The following ACACA variants were observed in gnomAD, a reference collection of about 807,000 sequenced individuals.
The protein encoded by ACACA is acetyl-CoA carboxylase alpha.
ACACA carries 103 observed loss-of-function variants against 296.1 expected under a neutral mutation model. The observed-to-expected ratio is 0.35, with a 90% CI of 0.30 to 0.41. The LOEUF (loss-of-function observed/expected upper bound fraction) is 0.41. ACACA is among the 10% of genes least tolerant of loss of function. The probability of loss-of-function intolerance (pLI) is 1.00; values close to 1 mark genes in which losing one functional copy is unlikely to be tolerated. For synonymous variants in ACACA, 953 were observed against 1,038.6 expected (o/e 0.92, Z 1.58); for missense variants, 1,554 against 2,989.7 (o/e 0.52, Z 11.20).
chr17:37,183,937 C>G (rs1339747041), intron 39 of ACACA, among the ~76,000 whole-genome samples: 1 of 147,862 alleles, frequency 6.8e-6, no homozygotes, highest in East Asian at 2.1e-4. Flanking sequence ...ACCACAACCT[C>G]TGCCTCCTGG....
At chr17:37,309,313 A>T (rs1309260248) in intron 3 of ACACA, among the ~76,000 whole-genome samples, 1 of 152,206 alleles carries the variant, frequency 6.6e-6, no homozygotes, top group African/African-American at 2.4e-5. Context: ...GGCATGAGCC[A>T]CGATGCCTGG....
Position 37,174,020 on chromosome 17 carries a change from A to ATTTTTTTTTT in ACACA, c.5079+5230_5079+5239dup, listed in dbSNP as rs71159693. ...TATATATATATATATATATATATAT[A>ATTTTTTTTTT]TTTTTTTTTTTTTTTTTTTTTGTAG... On this transcript the variant is annotated intron_variant, in intron 41 of 55. Transcript: ENST00000616317. Among the ~76,000 whole-genome samples, 22 of 16,792 alleles carry ATTTTTTTTTT rather than the reference A, an allele frequency of 1.3e-3. 1 individual carries two copies. Among genetic ancestry groups the ATTTTTTTTTT allele is most frequent in the African/African-American group, 2.3e-3 (9 of 3,914 alleles). The allele number at this position is 16,792 out of a possible 152,430, so 11.0% of individuals were successfully genotyped here.
At chr17:37,108,298 G>A (rs1199123009) in intron 52 of ACACA, among the ~76,000 whole-genome samples, 5 of 151,634 alleles carry the variant, frequency 3.3e-5, no homozygotes, top group Non-Finnish European at 7.4e-5. Context: ...ATGACAAAAG[G>A]CCATTTAAAA....
At chr17:37,234,304 C>A (rs1023157231) in intron 25 of ACACA, among the ~76,000 whole-genome samples, 1 of 152,140 alleles carries the variant, frequency 6.6e-6, no homozygotes, top group African/African-American at 2.4e-5. Context: ...GAAGGACTTG[C>A]AAGTCATCTT....
chr17:37,108,923 T>TG (rs1301489083), intron 52 of ACACA, among the ~76,000 whole-genome samples: 2 of 152,240 alleles, frequency 1.3e-5, no homozygotes, highest in Non-Finnish European at 2.9e-5. Flanking sequence ...AGGAAAAATC[T>TG]GAAGAAATCC....
chr17:37,085,886 A>G lies in ACACA; in HGVS notation c.*1430T>C, dbSNP rs987680263. ...CTTAGTGATTTCCTCCTTGGTCATC[A>G]GTGACAAATGCAGTTAGCTGCACTA... is the stretch of plus-strand genomic sequence containing the variant. On this transcript the variant is annotated 3_prime_UTR_variant, in exon 56 of 56. Coordinates refer to ENST00000616317, the MANE Select transcript of ACACA (RefSeq NM_198834.3). 7.5e-6 allele frequency: 3 copies of G among 398,934 alleles called. No homozygotes were observed. Among genetic ancestry groups the G allele is most frequent in the Non-Finnish European group, 1.3e-5 (3 of 226,098 alleles). 24.7% of individuals were successfully genotyped at this position (398,934 alleles called of 1,614,324 possible). A position where few individuals can be genotyped will look rare whatever the true frequency, so the allele number is the denominator to read the frequency against.
In ACACA at chr17:37,225,037, T is replaced by G; in HGVS notation, c.3429A>C (p.Ser1143=). The G allele has an allele frequency of 1.2e-6, 2 of 1,612,818 alleles. No individual in the cohort carries two copies. Among genetic ancestry groups the G allele is most frequent in the Non-Finnish European group, 1.7e-6 (2 of 1,179,254 alleles). The change falls in exon 27 of 56, where the codon TCA becomes TCC. Residue 1143 remains serine, a synonymous_variant. Transcript: ENST00000616317. Reference sequence around the variant, plus strand: ...ATTGATGTCCATACATGTCAATAGCTGATAGGAAGATAGACTCTACTTGGT... The same window carrying G: ...ATTGATGTCCATACATGTCAATAGCGGATAGGAAGATAGACTCTACTTGGT... The part of the protein sequence containing the change: ...RHNQVESIFL[S]AIDMYGHQFC...
rs145390914 is a variant in ACACA at position 37,178,197 on chromosome 17, T to C, written c.5079+1063A>G. 1.2e-4 allele frequency among the ~76,000 whole-genome samples: 19 copies of C among 152,322 alleles called. No individual in the cohort carries two copies. In the East Asian group the frequency reaches 1.9e-3, roughly 15 times the overall value. On this transcript the variant is annotated intron_variant, in intron 41 of 55. Transcript: ENST00000616317. ...GCACAGTTAAAATCAGAAAGAATCA[T>C]AATGCATGGACAAGAGTATAAGAGT...
chr17:37,095,580 T>G (rs1007655176), intron 54 of ACACA, among the ~76,000 whole-genome samples: 8 of 152,294 alleles, frequency 5.3e-5, no homozygotes, highest in Non-Finnish European at 1.0e-4. Context: ...AGTGCCCCTC[T>G]TTGTGGGCCA....
At chr17:37,385,814 A>G (rs1429300820) in intron 1 of ACACA, among the ~76,000 whole-genome samples, 1 of 152,138 alleles carries the variant, frequency 6.6e-6, no homozygotes, top group Non-Finnish European at 1.5e-5. Flanking sequence ...CATTTAATCC[A>G]TATCTCTTAT....
Position 37,390,311 on chromosome 17 carries a change from T to TA in ACACA, c.38+15950dup, listed in dbSNP as rs1555672286. ...ATTATATATTATACATAATTATATA[T>TA]ATATATATATATATATATATATAAA... On this transcript the variant is annotated intron_variant, in intron 1 of 55. Coordinates refer to ENST00000616317, the MANE Select transcript of ACACA (RefSeq NM_198834.3). Among the ~76,000 whole-genome samples, 34 of 45,304 alleles carry TA rather than the reference T, an allele frequency of 7.5e-4. 5 individuals are homozygous for TA. Among genetic ancestry groups the TA allele is most frequent in the Non-Finnish European group, 9.2e-4 (28 of 30,308 alleles). The allele number at this position is 45,304 out of a possible 152,430, so 29.7% of individuals were successfully genotyped here.
intron 54 of ACACA, among the ~76,000 whole-genome samples, chr17:37,090,200 A>G (rs2072518730): frequency 6.6e-6 from 1 of 152,202 alleles, no homozygotes; most frequent in South Asian, 2.1e-4. Flanking sequence ...AAGAGGCCTC[A>G]AGCAGTACAA....
At chr17:37,214,034 G>A (rs1306774037) in intron 29 of ACACA, among the ~76,000 whole-genome samples, 1 of 152,122 alleles carries the variant, frequency 6.6e-6, no homozygotes, top group Admixed American at 6.5e-5. Flanking sequence ...GGGGATGCAT[G>A]CAAACAAGCA....
chr17:37,114,743 G>C (rs58683971), intron 50 of ACACA, among the ~76,000 whole-genome samples: 1 of 152,076 alleles, frequency 6.6e-6, no homozygotes, highest in Non-Finnish European at 1.5e-5. Context: ...TGTTTAATGA[G>C]TACTTCAGTG....
chr17:37,121,974 A>T (rs1451162565), intron 49 of ACACA, among the ~76,000 whole-genome samples: 2 of 152,104 alleles, frequency 1.3e-5, no homozygotes, highest in Admixed American at 6.5e-5. Context: ...GTGAAAATAT[A>T]ATCCATCCTT....
intron 45 of ACACA, among the ~76,000 whole-genome samples, chr17:37,133,605 G>A (rs190380197): frequency 6.6e-6 from 1 of 152,118 alleles, no homozygotes; most frequent in East Asian, 1.9e-4. Flanking sequence ...AAAAACCTGG[G>A]GTCAACAACT....
At chr17:37,283,725 G>A (rs2146595542) in intron 4 of ACACA, among the ~76,000 whole-genome samples, 1 of 152,278 alleles carries the variant, frequency 6.6e-6, no homozygotes, top group South Asian at 2.1e-4. Context: ...ACCATATTGT[G>A]GGTATGGTAT....
At chr17:37,104,915 GCAGA>G (rs922754113) in intron 52 of ACACA, among the ~76,000 whole-genome samples, 3 of 133,314 alleles carry the variant, frequency 2.3e-5, no homozygotes, top group African/African-American at 6.1e-5. Context: ...CTCCAGGCTG[GCAGA>G]CAGAGTGAGA....
intron 45 of ACACA, chr17:37,141,271 A>G (rs980880091): frequency 1.8e-6 from 1 of 571,004 alleles, no homozygotes; most frequent in Non-Finnish European, 3.3e-6. Context: ...CATGTCCTTG[A>G]CCAGGTGGCC....
Sources: allele counts gnomAD v4.1 joint callset (sites outside exome capture counted in the v4.1 genomes callset), GRCh38; gene constraint gnomAD v4.1.1; transcripts MANE v1.5; gene names NCBI Gene and HGNC (gene_info 2026-07-23, HGNC 2026-07-21).